The following CSMD1 variants were observed in gnomAD, a reference collection of about 807,000 sequenced individuals.
CSMD1 encodes the protein CUB and sushi domain-containing protein 1.
Under a neutral mutation model 417.5 loss-of-function variants are expected in CSMD1, and 213 were observed. The ratio of observed to expected loss-of-function variants is 0.51; its 90% confidence interval spans 0.46 to 0.57. CSMD1 has a LOEUF of 0.57. Among genes scored for constraint, CSMD1 ranks in the 20% least tolerant of loss-of-function variants. The pLI, the probability that CSMD1 is intolerant of heterozygous loss-of-function variation, is 0.00. For synonymous variants in CSMD1, 2,862 were observed against 1,736.8 expected, an observed-to-expected ratio of 1.65 and a Z score of -16.11; for missense variants, 6,923 against 4,529.7, an observed-to-expected ratio of 1.53 and a Z score of -15.17.
intron 3 of CSMD1, among the ~76,000 whole-genome samples, chr8:4,159,515 A>G (rs1471541985): frequency 6.6e-6 from 1 of 152,226 alleles, no homozygotes; most frequent in Non-Finnish European, 1.5e-5. Flanking sequence ...TGGTATATAT[A>G]TGATGGAATA....
chr8:4,100,148 T>A (rs1478061432), intron 3 of CSMD1, among the ~76,000 whole-genome samples: 1 of 152,154 alleles, frequency 6.6e-6, no homozygotes, highest in Non-Finnish European at 1.5e-5. Context: ...ATACCTTGGT[T>A]TTTATGTGAG....
At chr8:3,031,937 G>T (rs1241017743) in intron 50 of CSMD1, among the ~76,000 whole-genome samples, 2 of 148,924 alleles carry the variant, frequency 1.3e-5, no homozygotes, top group African/African-American at 5.0e-5. Flanking sequence ...TTAGTATAGT[G>T]ACTGACAAAT....
chr8:3,908,726 A>G (rs945122322), intron 5 of CSMD1, among the ~76,000 whole-genome samples: 1 of 152,180 alleles, frequency 6.6e-6, no homozygotes, highest in Non-Finnish European at 1.5e-5. Flanking sequence ...AGAGGTCTCA[A>G]AGATATTATT....
At chr8:4,535,577 C>A (rs1225148593) in intron 2 of CSMD1, among the ~76,000 whole-genome samples, 2 of 152,058 alleles carry the variant, frequency 1.3e-5, no homozygotes, top group Non-Finnish European at 2.9e-5. Context: ...TAGGTTAACC[C>A]TAAGTCATCC....
intron 6 of CSMD1, among the ~76,000 whole-genome samples, chr8:3,742,747 A>AT (rs1796875854): frequency 6.6e-6 from 1 of 152,166 alleles, no homozygotes; most frequent in African/African-American, 2.4e-5. Context: ...AAGAAAAAAA[A>AT]CAAAAACAAA....
intron 25 of CSMD1, among the ~76,000 whole-genome samples, chr8:3,305,215 G>C (rs78140917): frequency 1.5e-3 from 231 of 152,144 alleles, no homozygotes; most frequent in Non-Finnish European, 2.7e-3. Context: ...TGCCTTCATA[G>C]ATTTTCATGA....
At chr8:3,163,159 T>C (rs941461945) in intron 37 of CSMD1, among the ~76,000 whole-genome samples, 1 of 152,200 alleles carries the variant, frequency 6.6e-6, no homozygotes, top group Admixed American at 6.5e-5. Context: ...AATTAAAAAA[T>C]GCATTTGAAA....
At chr8:4,256,461 G>T (rs759104257) in intron 3 of CSMD1, among the ~76,000 whole-genome samples, 2 of 152,298 alleles carry the variant, frequency 1.3e-5, no homozygotes, top group Non-Finnish European at 1.5e-5. Context: ...ATAGAGACAT[G>T]AATTAACCGA....
Position 4,347,937 on chromosome 8 carries a change from A to G in CSMD1, c.415+72016T>C, listed in dbSNP as rs542045863. ...AAACAAGGATAAAATAGGAGCACAA[A>G]AATAAAATGGAGGCACAGAAGAATT... On this transcript the variant is annotated intron_variant, in intron 3 of 69. Coordinates refer to ENST00000635120, the MANE Select transcript of CSMD1 (RefSeq NM_033225.6). Among the ~76,000 whole-genome samples the G allele has an allele frequency of 2.6e-5, 4 of 152,320 alleles. No homozygotes were observed. The South Asian group carries it at 8.3e-4, about 32-fold the overall frequency.
At chr8:3,850,236 T>C (rs1347900477) in intron 5 of CSMD1, among the ~76,000 whole-genome samples, 2 of 152,226 alleles carry the variant, frequency 1.3e-5, no homozygotes, top group Non-Finnish European at 1.5e-5. Context: ...AACAAAAGAA[T>C]AAAAAACCAA....
chr8:3,992,547 G>A (rs1814838005), intron 5 of CSMD1, among the ~76,000 whole-genome samples: 1 of 152,160 alleles, frequency 6.6e-6, no homozygotes, highest in Non-Finnish European at 1.5e-5. Context: ...ACTTTGGGAG[G>A]CTGAGCCAGC....
At chr8:3,916,706 C>A (rs1270681702) in intron 5 of CSMD1, among the ~76,000 whole-genome samples, 1 of 152,046 alleles carries the variant, frequency 6.6e-6, no homozygotes, top group Non-Finnish European at 1.5e-5. Context: ...CTACAGTCAT[C>A]ACAAGGATAG....
chr8:4,389,191 C>A (rs530986420), intron 3 of CSMD1, among the ~76,000 whole-genome samples: 2 of 152,230 alleles, frequency 1.3e-5, no homozygotes, highest in African/African-American at 4.8e-5. Flanking sequence ...TGGCCTGTTA[C>A]TTTTTCTGGA....
intron 23 of CSMD1, among the ~76,000 whole-genome samples, chr8:3,340,688 C>T (rs1411405361): frequency 6.6e-6 from 1 of 152,106 alleles, no homozygotes; most frequent in African/African-American, 2.4e-5. Flanking sequence ...GGGATTTCTT[C>T]AGCTTATTTA....
chr8:3,962,581 A>G (rs1281470969), intron 5 of CSMD1, among the ~76,000 whole-genome samples: 2 of 152,130 alleles, frequency 1.3e-5, no homozygotes, highest in Admixed American at 6.5e-5. Context: ...GGAGTAAGCA[A>G]TGAAATCCAT....
chr8:4,609,959 C>G (rs560282110), intron 2 of CSMD1, among the ~76,000 whole-genome samples: 1 of 151,988 alleles, frequency 6.6e-6, no homozygotes, highest in East Asian at 1.9e-4. Flanking sequence ...ATTAAACTAC[C>G]TAATTGGTAA....
intron 5 of CSMD1, among the ~76,000 whole-genome samples, chr8:3,841,664 C>T (rs200006865): frequency 1.3e-5 from 2 of 151,906 alleles, no homozygotes; most frequent in Non-Finnish European, 2.9e-5. Flanking sequence ...TAAAAAAAAA[C>T]CATGAATATG....
intron 12 of CSMD1, among the ~76,000 whole-genome samples, chr8:3,439,294 T>TATATATATAC (rs1554552655): frequency 1.2e-4 from 6 of 48,142 alleles, no homozygotes; most frequent in African/African-American, 9.2e-4. Context: ...TATATATATA[T>TATATATATAC]ATATATATAT....
At chr8:4,405,022 G>A (rs889707363) in intron 3 of CSMD1, among the ~76,000 whole-genome samples, 1 of 152,192 alleles carries the variant, frequency 6.6e-6, no homozygotes, top group Non-Finnish European at 1.5e-5. Flanking sequence ...ATAAAACTGA[G>A]GTTTAAACTA....
Sources: gnomAD v4.1 joint callset for allele counts (sites outside exome capture counted in the v4.1 genomes callset) on GRCh38, gnomAD v4.1.1 for gene constraint, MANE v1.5 for transcripts, NCBI Gene and HGNC (gene_info 2026-07-23, HGNC 2026-07-21) for gene names.